Variants in GABBR2 observed in about 807,000 individuals in gnomAD.
The protein encoded by GABBR2 is G-protein coupled receptor 51.
Under a neutral mutation model 105.6 loss-of-function variants are expected in GABBR2, and 23 were observed. The ratio of observed to expected loss-of-function variants is 0.22; its 90% CI spans 0.16 to 0.31. The LOEUF (loss-of-function observed/expected upper bound fraction) is 0.31, where lower values mean the gene tolerates loss of function less well. GABBR2 is among the 10% of genes least tolerant of loss of function. GABBR2 has a pLI of 1.00. For missense variants in GABBR2, 734 were observed against 1,245.5 expected (o/e 0.59, Z 6.18); for synonymous variants, 478 against 499.7 (o/e 0.96, Z 0.58).
chr9:98,300,984 C>G (rs975638411), intron 16 of GABBR2, among the ~76,000 whole-genome samples: 1 of 152,314 alleles, frequency 6.6e-6, no homozygotes, highest in South Asian at 2.1e-4. Flanking sequence ...GGTAGCTGAA[C>G]ACGTGAAGGT....
chr9:98,435,583 T>C (rs1372762066), intron 7 of GABBR2, among the ~76,000 whole-genome samples: 1 of 152,144 alleles, frequency 6.6e-6, no homozygotes, highest in East Asian at 1.9e-4. Context: ...GTCAGGTTGC[T>C]CCCTTGCTAG....
chr9:98,484,239 C>A (rs1826992179), intron 4 of GABBR2, among the ~76,000 whole-genome samples: 1 of 152,176 alleles, frequency 6.6e-6, no homozygotes, highest in Non-Finnish European at 1.5e-5. Context: ...AACCGAGTTG[C>A]AAGGACCACT....
chr9:98,573,100 C>T (rs576156207), intron 2 of GABBR2, among the ~76,000 whole-genome samples: 17 of 152,276 alleles, frequency 1.1e-4, no homozygotes, highest in African/African-American at 2.4e-4. Context: ...CAGGCCCCTC[C>T]GTCCACCTAT....
At chr9:98,433,659 T>C (rs1176878402) in intron 7 of GABBR2, among the ~76,000 whole-genome samples, 1 of 152,232 alleles carries the variant, frequency 6.6e-6, no homozygotes, top group East Asian at 1.9e-4. Context: ...GGACAGGACA[T>C]GTTCAAGGCC....
At chr9:98,355,315 G>A (rs904084892) in intron 13 of GABBR2, among the ~76,000 whole-genome samples, 1 of 151,204 alleles carries the variant, frequency 6.6e-6, no homozygotes, top group Admixed American at 6.6e-5. Context: ...GTGAGTAAAC[G>A]CTATCAGAAA....
chr9:98,380,662 G>A (rs549393415), intron 11 of GABBR2, among the ~76,000 whole-genome samples: 1 of 152,232 alleles, frequency 6.6e-6, no homozygotes, highest in Non-Finnish European at 1.5e-5. Flanking sequence ...CTGTTCTCAA[G>A]ACTTGGAGAA....
chr9:98,501,397 T>C (rs1827397628), intron 3 of GABBR2, among the ~76,000 whole-genome samples: 2 of 152,190 alleles, frequency 1.3e-5, no homozygotes, highest in South Asian at 4.1e-4. Context: ...ACTCTTGACC[T>C]CAAGTGATCC....
At chr9:98,438,240 C>A (rs1825966866) in intron 7 of GABBR2, among the ~76,000 whole-genome samples, 1 of 152,038 alleles carries the variant, frequency 6.6e-6, no homozygotes, top group African/African-American at 2.4e-5. Flanking sequence ...CACCTACCCA[C>A]ATATTCATCA....
chr9:98,571,836 G>A (rs990226819), intron 2 of GABBR2, among the ~76,000 whole-genome samples: 2 of 152,156 alleles, frequency 1.3e-5, no homozygotes, highest in African/African-American at 2.4e-5. Context: ...TGCAGGAGGT[G>A]GAAACGCTGC....
At chr9:98,396,251 C>T (rs1462666443) in intron 8 of GABBR2, among the ~76,000 whole-genome samples, 4 of 152,182 alleles carry the variant, frequency 2.6e-5, no homozygotes, top group Admixed American at 1.3e-4. Context: ...GAAGTGCAGG[C>T]GGGTCCCTTC....
intron 1 of GABBR2, among the ~76,000 whole-genome samples, chr9:98,666,099 G>A (rs1401214900): frequency 6.6e-6 from 1 of 152,174 alleles, no homozygotes; most frequent in Non-Finnish European, 1.5e-5. Context: ...ACATGACTAT[G>A]GAGCCTCTCA....
chr9:98,699,388 AAAT>A (rs1830798321), intron 1 of GABBR2, among the ~76,000 whole-genome samples: 1 of 152,098 alleles, frequency 6.6e-6, no homozygotes, highest in Non-Finnish European at 1.5e-5. Flanking sequence ...CAAAAGCACT[AAAT>A]AATAAGAACC....
At chr9:98,514,270 G>A (rs1827713349) in intron 3 of GABBR2, among the ~76,000 whole-genome samples, 1 of 134,028 alleles carries the variant, frequency 7.5e-6, no homozygotes, top group African/African-American at 2.6e-5. Context: ...AGGGGGAGGG[G>A]AGAGGGATAG....
chr9:98,624,061 T>G (rs546714987), intron 1 of GABBR2, among the ~76,000 whole-genome samples: 1 of 152,316 alleles, frequency 6.6e-6, no homozygotes. Flanking sequence ...TGAGGTCACC[T>G]GGCAGGTGCA....
At chr9:98,411,205 A>C (rs1832585913) in intron 7 of GABBR2, among the ~76,000 whole-genome samples, 1 of 152,238 alleles carries the variant, frequency 6.6e-6, no homozygotes, top group South Asian at 2.1e-4. Flanking sequence ...CTGTTTCATA[A>C]AAATCAATCC....
chr9:98,344,624 C>CT (rs1466960944), intron 13 of GABBR2, among the ~76,000 whole-genome samples: 2 of 152,144 alleles, frequency 1.3e-5, no homozygotes, highest in Non-Finnish European at 2.9e-5. Context: ...GGACAGCTCT[C>CT]TCTCCTGTCC....
chr9:98,333,687 G>GC (rs1831066707), intron 13 of GABBR2, among the ~76,000 whole-genome samples: 1 of 152,100 alleles, frequency 6.6e-6, no homozygotes, highest in Non-Finnish European at 1.5e-5. Context: ...AGCAAATAAG[G>GC]CCACATTTCA....
chr9:98,516,559 C>T (rs1827759733), intron 3 of GABBR2, among the ~76,000 whole-genome samples: 2 of 152,230 alleles, frequency 1.3e-5, no homozygotes, highest in African/African-American at 2.4e-5. Context: ...ACGGCAGCAA[C>T]AGAACACTAA....
chr9:98,394,559 C>T (rs905697932), intron 8 of GABBR2, among the ~76,000 whole-genome samples: 1 of 152,248 alleles, frequency 6.6e-6, no homozygotes, highest in Non-Finnish European at 1.5e-5. Context: ...GGTCACTGAG[C>T]TGAAATGTTT....
Sources: gnomAD v4.1 joint callset for allele counts (sites outside exome capture counted in the v4.1 genomes callset) on GRCh38, gnomAD v4.1.1 for gene constraint, MANE v1.5 for transcripts, NCBI Gene and HGNC (gene_info 2026-07-23, HGNC 2026-07-21) for gene names.